CHRM3: variants seen among roughly 807,000 people sequenced by gnomAD.
CHRM3 encodes cholinergic receptor muscarinic 3, also known as muscarinic acetylcholine receptor M3.
CHRM3 carries 11 observed loss-of-function variants against 41.8 expected under a neutral mutation model. The ratio of observed to expected loss-of-function variants is 0.26; its 90% CI spans 0.17 to 0.44. The LOEUF (loss-of-function observed/expected upper bound fraction) is 0.44, where lower values mean the gene tolerates loss of function less well. CHRM3 is among the 20% of genes least tolerant of loss of function. The pLI, the probability that CHRM3 is intolerant of heterozygous loss-of-function variation, is 1.00. For missense variants in CHRM3, 571 were observed against 745.4 expected (o/e 0.77, Z 2.72); for synonymous variants, 297 against 301.4 (o/e 0.99, Z 0.15).
At chr1:239,604,773 A>G (rs1403567748) in intron 3 of CHRM3, among the ~76,000 whole-genome samples, 1 of 152,200 alleles carries the variant, frequency 6.6e-6, no homozygotes, top group Non-Finnish European at 1.5e-5. Flanking sequence ...GCCATTGCAG[A>G]TAGTTTTCTT....
At chr1:239,737,771 A>G (rs567131933) in intron 5 of CHRM3, among the ~76,000 whole-genome samples, 2 of 152,272 alleles carry the variant, frequency 1.3e-5, no homozygotes, top group African/African-American at 2.4e-5. Flanking sequence ...AACTCTTCGT[A>G]AGACATCCTG....
intron 5 of CHRM3, among the ~76,000 whole-genome samples, chr1:239,689,653 G>A (rs1379878975): frequency 6.6e-6 from 1 of 152,138 alleles, no homozygotes; most frequent in African/African-American, 2.4e-5. Flanking sequence ...GATCCTAACA[G>A]CGGGATATCT....
chr1:239,496,912 G>A (rs892121995), intron 2 of CHRM3, among the ~76,000 whole-genome samples: 2 of 152,008 alleles, frequency 1.3e-5, no homozygotes, highest in East Asian at 1.9e-4. Context: ...ATACACAGAC[G>A]CTAAACTAGA....
At chr1:239,566,905 A>C (rs2148516367) in intron 3 of CHRM3, among the ~76,000 whole-genome samples, 1 of 152,330 alleles carries the variant, frequency 6.6e-6, no homozygotes, top group African/African-American at 2.4e-5. Context: ...ATAAATTCAT[A>C]GATTCTTTGC....
intron 1 of CHRM3, among the ~76,000 whole-genome samples, chr1:239,455,732 T>G (rs566383033): frequency 1.3e-5 from 2 of 152,278 alleles, no homozygotes; most frequent in East Asian, 1.9e-4. Flanking sequence ...TTTAAAAAAT[T>G]TATAAAGTAA....
At position 239,628,299 on chromosome 1, in the gene CHRM3, T is replaced by C. The variant is rs1468598233; in HGVS notation, c.-312-3925T>C. On this transcript the variant is annotated intron_variant, in intron 3 of 6. Transcript: ENST00000676153. The stretch of plus-strand genomic sequence containing the variant: ...CTTTCTTCCAGTTGATCGCATCGGC[T>C]CCTGAGGCTTCTGCATTCTTCACGT... Among the ~76,000 whole-genome samples the C allele has an allele frequency of 8.2e-5, 4 of 48,838 alleles. 2 individuals are homozygous for C. The highest frequency in any genetic ancestry group is 6.8e-5 in the Non-Finnish European group (2 of 29,530). 32.0% of individuals were successfully genotyped at this position (48,838 alleles called of 152,430 possible). A position where few individuals can be genotyped will look rare whatever the true frequency, so the allele number is the denominator to read the frequency against.
chr1:239,814,482 C>A (rs958322141), intron 5 of CHRM3, among the ~76,000 whole-genome samples: 2 of 152,166 alleles, frequency 1.3e-5, no homozygotes, highest in African/African-American at 4.8e-5. Context: ...GCCTCCCAGC[C>A]CTCACCACGG....
chr1:239,777,025 G>A (rs770874271), intron 5 of CHRM3, among the ~76,000 whole-genome samples: 3 of 152,152 alleles, frequency 2.0e-5, no homozygotes, highest in Non-Finnish European at 4.4e-5. Context: ...TTTGGGTGGG[G>A]ACACAGGCAA....
chr1:239,889,558 A>G (rs972052174), intron 6 of CHRM3, among the ~76,000 whole-genome samples: 1 of 152,168 alleles, frequency 6.6e-6, no homozygotes, highest in Non-Finnish European at 1.5e-5. Flanking sequence ...ATTAGAAAAA[A>G]AATGATTTCT....
chr1:239,805,245 T>A (rs534808152), intron 5 of CHRM3, among the ~76,000 whole-genome samples: 1 of 152,306 alleles, frequency 6.6e-6, no homozygotes, highest in African/African-American at 2.4e-5. Context: ...GCAGACCTGC[T>A]AGTCCAGCGC....
At chr1:239,639,350 T>A (rs577541421) in intron 4 of CHRM3, among the ~76,000 whole-genome samples, 2 of 152,354 alleles carry the variant, frequency 1.3e-5, no homozygotes, top group South Asian at 2.1e-4. Context: ...TAAATTACCT[T>A]GGACAGTATG....
chr1:239,598,424 G>A (rs530008884), intron 3 of CHRM3, among the ~76,000 whole-genome samples: 4 of 152,098 alleles, frequency 2.6e-5, no homozygotes, highest in South Asian at 2.1e-4. Context: ...GGGCTCAGGA[G>A]ACCTTGATTC....
intron 6 of CHRM3, among the ~76,000 whole-genome samples, chr1:239,833,962 G>A (rs1673090242): frequency 6.6e-6 from 1 of 152,132 alleles, no homozygotes; most frequent in South Asian, 2.1e-4. Context: ...CAAAGAGCCA[G>A]TCTATACAAC....
chr1:239,455,509 C>T (rs188155034), intron 1 of CHRM3, among the ~76,000 whole-genome samples: 11 of 152,154 alleles, frequency 7.2e-5, no homozygotes, highest in Admixed American at 2.0e-4. Flanking sequence ...GAGGGGAAGA[C>T]GGTGATATTG....
At chr1:239,662,934 CTCT>C (rs1558431596) in intron 4 of CHRM3, among the ~76,000 whole-genome samples, 1 of 19,114 alleles carries the variant, frequency 5.2e-5, no homozygotes, top group Non-Finnish European at 9.1e-5. Flanking sequence ...TCTTCTTCTC[CTCT>C]TCTTCTTCCT....
intron 6 of CHRM3, among the ~76,000 whole-genome samples, chr1:239,902,859 T>A (rs1176114320): frequency 6.6e-6 from 1 of 152,222 alleles, no homozygotes; most frequent in Non-Finnish European, 1.5e-5. Context: ...ATGGTTCTTG[T>A]CTACCTTTAA....
intron 5 of CHRM3, among the ~76,000 whole-genome samples, chr1:239,700,894 T>G (rs1159121586): frequency 6.6e-6 from 1 of 152,060 alleles, no homozygotes; most frequent in Non-Finnish European, 1.5e-5. Context: ...GTGCCTGATC[T>G]CATTTGAAAG....
chr1:239,892,012 G>A (rs1361316188), intron 6 of CHRM3, among the ~76,000 whole-genome samples: 1 of 152,190 alleles, frequency 6.6e-6, no homozygotes, highest in African/African-American at 2.4e-5. Flanking sequence ...CCAAGAGATG[G>A]TCTGTTCAGT....
intron 6 of CHRM3, among the ~76,000 whole-genome samples, chr1:239,859,465 G>T (rs1006562378): frequency 1.4e-5 from 2 of 142,710 alleles, no homozygotes; most frequent in African/African-American, 5.2e-5. Flanking sequence ...TCACTCTGTT[G>T]CCCAGGCTGG....
Sources: allele counts gnomAD v4.1 joint callset (sites outside exome capture counted in the v4.1 genomes callset), GRCh38; gene constraint gnomAD v4.1.1; transcripts MANE v1.5; gene names NCBI Gene and HGNC (gene_info 2026-07-23, HGNC 2026-07-21).